FBXW5: variants seen among roughly 807,000 people sequenced by gnomAD.
FBXW5 encodes F-box and WD repeat domain containing 5.
FBXW5 carries 74 observed loss-of-function variants against 50.9 expected under a neutral mutation model. The observed-to-expected ratio is 1.45, with a 90% CI of 1.20 to 1.76. The LOEUF (loss-of-function observed/expected upper bound fraction) is 1.76. Ranked by LOEUF, FBXW5 falls within the 40% of genes most tolerant of loss-of-function variation. FBXW5 has a pLI of 0.00. For synonymous variants in FBXW5, 523 were observed against 362.2 expected (o/e 1.44, Z -5.04); for missense variants, 1,073 against 818.8 (o/e 1.31, Z -3.79).
At position 136,944,575 on chromosome 9, in the gene FBXW5, G is replaced by GGGCCGCAGGCGCACTCACCAC. The variant is rs1221329556; in HGVS notation, c.-26_-24+18dup. ...GGGGACGACAAGGCGGGACCCCCGA[G>GGGCCGCAGGCGCACTCACCAC]GGCCGCAGGCGCACTCACCACGGCC... On this transcript the variant is annotated intron_variant, in intron 1 of 8. Coordinates refer to ENST00000325285, the MANE Select transcript of FBXW5 (RefSeq NM_018998.4). 132 of 983,958 alleles carry GGGCCGCAGGCGCACTCACCAC rather than the reference G, an allele frequency of 1.3e-4. No homozygotes were observed. The highest frequency in any genetic ancestry group is 1.4e-4 in the Non-Finnish European group (117 of 829,210). 61.0% of individuals were successfully genotyped at this position (983,958 alleles called of 1,614,324 possible). A position where few individuals can be genotyped will look rare whatever the true frequency, so the allele number is the denominator to read the frequency against.
Position 136,941,605 on chromosome 9 carries a change from G to GA in FBXW5, c.1175dup (p.Asp393ArgfsTer52). Reference sequence around the variant, plus strand: ...TGTCTATGACGTGGTCCAGCGCGTCGAAGAAGGCATCGGAGCCCCGGCCCT... The same window carrying GA: ...TGTCTATGACGTGGTCCAGCGCGTCGAAAGAAGGCATCGGAGCCCCGGCCCT... On this transcript the variant is annotated frameshift_variant, in exon 7 of 9. Transcript: ENST00000325285. LOFTEE classifies it high-confidence loss of function. 6.3e-7 allele frequency: 1 copy of GA among 1,599,804 alleles called. No homozygotes were observed. The highest frequency in any genetic ancestry group is 8.5e-7 in the Non-Finnish European group (1 of 1,173,856).
rs1850711613 is a variant in FBXW5, at chr9:136,940,572, C to G, written c.*356G>C. On this transcript the variant is annotated 3_prime_UTR_variant, in exon 9 of 9. Transcript: ENST00000325285. ...CAGCCAGGAGCAGCCCCTGCCACCA[C>G]TGGGCCACCGTCCAGGGCCCCACAG... The G allele has an allele frequency of 3.3e-6, 1 of 300,924 alleles. No individual in the cohort carries two copies. Among genetic ancestry groups the G allele is most frequent in the Non-Finnish European group, 6.5e-6 (1 of 154,930 alleles). 18.6% of individuals were successfully genotyped at this position (300,924 alleles called of 1,614,324 possible). A position where few individuals can be genotyped will look rare whatever the true frequency, so the allele number is the denominator to read the frequency against.
In FBXW5 at chr9:136,943,612, A is replaced by G. The variant is rs1296628735; in HGVS notation, c.194-106T>C. The G allele has an allele frequency of 3.5e-6, 5 of 1,429,520 alleles. No homozygotes were observed. In the African/African-American group the frequency reaches 7.1e-5, roughly 20 times the overall value. The allele number at this position is 1,429,520 out of a possible 1,614,324, so 88.6% of individuals were successfully genotyped here. A position where few individuals can be genotyped will look rare whatever the true frequency, so the allele number is the denominator to read the frequency against. ...CTGGCAGGCCCCGTGGTGCCCCTGG[A>G]ACCCACTAGTCATGGCATAGGCCTC... On this transcript the variant is annotated intron_variant, in intron 2 of 8. Coordinates refer to ENST00000325285, the MANE Select transcript of FBXW5 (RefSeq NM_018998.4).
At chr9:136,944,370 G>C (rs1850949763) in intron 1 of FBXW5, 1 of 640,802 alleles carries the variant, frequency 1.6e-6, no homozygotes, top group Non-Finnish European at 2.0e-6. Flanking sequence ...CGCCGCACGC[G>C]AGGCACGGGG....
rs777108738 is a variant in FBXW5, at chr9:136,942,404, G to A, written c.738C>T (p.Ala246=). Residue 246 remains alanine (A), a synonymous_variant, in exon 6 of 9, where the codon GCC becomes GCT. Coordinates refer to ENST00000325285, the MANE Select transcript of FBXW5 (RefSeq NM_018998.4). ...CCACCATCACCGTGCGGACGGTGCT[G>A]GCATTGAGGTTCTGGATCTTGAACA... The part of the protein sequence containing the change: ...KRLFKIQNLN[A]STVRTVMVAD... The A allele has an allele frequency of 3.4e-5, 54 of 1,608,972 alleles. No homozygotes were observed. The highest frequency in any genetic ancestry group is 4.3e-5 in the Non-Finnish European group (51 of 1,177,170).
At position 136,942,131 on chromosome 9, in the gene FBXW5, C is replaced by T; in HGVS notation, c.1011G>A (p.Lys337=). The change falls in exon 6 of 9, where the codon AAG becomes AAA. Residue 337 remains lysine, a synonymous_variant. Transcript: ENST00000325285. ...VAELLAQGHT[K]PPERSATGAK... ...CGCCTGTGGCACTGCGCTCGGGTGG[C>T]TTGGTGTGGCCCTGGGCCAGCAGCT... The T allele has an allele frequency of 1.2e-6, 2 of 1,611,496 alleles. No homozygotes were observed. The highest frequency in any genetic ancestry group is 1.7e-6 in the Non-Finnish European group (2 of 1,178,978).
chr9:136,943,285 G>C (rs556201721), intron 3 of FBXW5, 64 bp downstream of exon 3: 33 of 1,514,678 alleles, frequency 2.2e-5, no homozygotes, highest in Non-Finnish European at 2.6e-5. Flanking sequence ...GAACGCCTGG[G>C]TCCTGGGACC....
At chr9:136,943,125 C>T in intron 3 of FBXW5, 182 bp from the exon 4 acceptor site, 1 of 1,085,388 alleles carries the variant, frequency 9.2e-7, no homozygotes, top group East Asian at 2.6e-5. Flanking sequence ...GAGCCTGCCC[C>T]TGAAGCAGGC....
In FBXW5 at chr9:136,943,456, A is replaced by C. The variant is rs1160846275; in HGVS notation, c.244T>G (p.Cys82Gly). ...TCCCGCAGCGTCTGCACCTCCACGC[A>C]GGGCACCGTGTCATACAGCCGCTGG... Reference protein sequence around the residue: ...EFQRLYDTVPCVEVQTLREHT... With the variant: ...EFQRLYDTVPGVEVQTLREHT... The change falls in exon 3 of 9, where the codon TGC becomes GGC. Residue 82 changes from cysteine (C) to glycine (G), a missense_variant. Transcript: ENST00000325285. 1.2e-6 allele frequency: 2 copies of C among 1,612,794 alleles called. No homozygotes were observed. The highest frequency in any genetic ancestry group is 1.7e-6 in the Non-Finnish European group (2 of 1,179,926).
chr9:136,941,340 C>T lies in FBXW5; in HGVS notation c.1368G>A (p.Val456=). Residue 456 remains valine, a synonymous_variant, in exon 8 of 9, where the codon GTG becomes GTA. Transcript: ENST00000325285. ...CGCGGTGCGCACGCAGAGCCCGCCTCACCTCCCGCATGGTCTTGAGGTCGA... is the reference window on the plus strand; with the variant it reads ...CGCGGTGCGCACGCAGAGCCCGCCTTACCTCCCGCATGGTCTTGAGGTCGA... ...LVFDLKTMRE[V]RRALRAHRAY... is the part of the protein sequence containing the mutation. The T allele has an allele frequency of 6.2e-7, 1 of 1,610,940 alleles. No homozygotes were observed. Among genetic ancestry groups the T allele is most frequent in the Non-Finnish European group, 8.5e-7 (1 of 1,179,760 alleles).
chr9:136,940,727 G>T lies in FBXW5; in HGVS notation c.*201C>A. ...GCCCAGGAGGCCGAGGGGGCCTTGG[G>T]CTCCATCTGCACTGGCCACCCCGTG... On this transcript the variant is annotated 3_prime_UTR_variant, in exon 9 of 9. Coordinates refer to ENST00000325285, the MANE Select transcript of FBXW5 (RefSeq NM_018998.4). 1 of 843,816 alleles carries T rather than the reference G, an allele frequency of 1.2e-6. No individual in the cohort carries two copies. The highest frequency in any genetic ancestry group is 1.8e-6 in the Non-Finnish European group (1 of 562,578). 52.3% of individuals were successfully genotyped at this position (843,816 alleles called of 1,614,324 possible). A position where few individuals can be genotyped will look rare whatever the true frequency, so the allele number is the denominator to read the frequency against.
chr9:136,942,135 G>C lies in FBXW5; in HGVS notation c.1007C>G (p.Thr336Ser). Residue 336 changes from threonine (T) to serine (S), a missense_variant, in exon 6 of 9, where the codon ACC becomes AGC. Coordinates refer to ENST00000325285, the MANE Select transcript of FBXW5 (RefSeq NM_018998.4). ...KVAELLAQGH[T>S]KPPERSATGA... ...TGTGGCACTGCGCTCGGGTGGCTTG[G>C]TGTGGCCCTGGGCCAGCAGCTCGGC... 6.2e-7 allele frequency: 1 copy of C among 1,611,120 alleles called. No homozygotes were observed. Among genetic ancestry groups the C allele is most frequent in the Non-Finnish European group, 8.5e-7 (1 of 1,178,876 alleles).
chr9:136,944,216 G>T, intron 1 of FBXW5, 110 bp from the exon 2 acceptor site: 1 of 1,232,414 alleles, frequency 8.1e-7, no homozygotes, highest in Non-Finnish European at 1.1e-6. Context: ...ACGGGGCTGC[G>T]TGTCTGCAGG....
rs1850798161 is a variant in FBXW5, at chr9:136,942,166, T to G, written c.976A>C (p.Lys326Gln). 6.2e-7 allele frequency: 1 copy of G among 1,602,692 alleles called. No individual in the cohort carries two copies. Among genetic ancestry groups the G allele is most frequent in the Non-Finnish European group, 8.5e-7 (1 of 1,175,310 alleles). The change falls in exon 6 of 9, where the codon AAG (lysine) becomes CAG (glutamine). Residue 326 changes from lysine (K) to glutamine (Q), a missense_variant. Physicochemically the swap from Lys to Gln is moderately conservative, Grantham distance 53. Transcript: ENST00000325285. The part of the protein sequence containing the change: ...PQLSERMLET[K>Q]VAELLAQGHT... ...CCCTGGGCCAGCAGCTCGGCCACCTTGGTCTCTAGCATGCGCTCCGACAGC... is the reference window on the plus strand; with the variant it reads ...CCCTGGGCCAGCAGCTCGGCCACCTGGGTCTCTAGCATGCGCTCCGACAGC...
chr9:136,941,364 G>A lies in FBXW5; in HGVS notation c.1344C>T (p.Phe448=), dbSNP rs201429106. 230 of 1,611,668 alleles carry A rather than the reference G, an allele frequency of 1.4e-4. 2 individuals are homozygous for A. Among genetic ancestry groups the A allele is most frequent in the South Asian group, 1.3e-3 (114 of 91,090 alleles). The change falls in exon 8 of 9, where the codon TTC becomes TTT. Residue 448 remains phenylalanine, a synonymous_variant. Transcript: ENST00000325285. ...TCACCTCCCGCATGGTCTTGAGGTC[G>A]AACACCAGCAGGTCAATCTCCTCCG... ...PIAEEIDLLV[F]DLKTMREVRR...
At chr9:136,944,458 C>T in intron 1 of FBXW5, 136 bp downstream of exon 1, 1 of 968,706 alleles carries the variant, frequency 1.0e-6, no homozygotes, top group Non-Finnish European at 1.2e-6. Flanking sequence ...CGCCCTGCGG[C>T]CCTGGAGCAG....
In FBXW5 at chr9:136,941,435, G is replaced by A. The variant is rs774137088; in HGVS notation, c.1273C>T (p.Pro425Ser). 21 of 1,608,580 alleles carry A rather than the reference G, an allele frequency of 1.3e-5. No individual in the cohort carries two copies. The Middle Eastern group carries it at 2.8e-3, about 215-fold the overall frequency. ...GGGTCGGCCACCACCGCACCGTTGG[G>A]CCAGGCGCGGCTGTTCACGTACAGG... ...RYLYVNSRAW[P>S]NGAVVADPMQ... The change falls in exon 8 of 9, where the codon CCC (proline) becomes TCC (serine). Residue 425 changes from proline (P) to serine (S), a missense_variant. Pro to Ser is a moderately conservative substitution (Grantham distance 74). Coordinates refer to ENST00000325285, the MANE Select transcript of FBXW5 (RefSeq NM_018998.4).
chr9:136,943,604 G>A (rs904499481), intron 2 of FBXW5, 98 bp from the exon 3 acceptor site: 68 of 1,464,144 alleles, frequency 4.6e-5, no homozygotes, highest in Non-Finnish European at 5.1e-5. Flanking sequence ...GCCCCGTGGT[G>A]CCCCTGGAAC....
At chr9:136,943,572 G>A (rs1200796347) in intron 2 of FBXW5, 66 bp from the exon 3 acceptor site, 1 of 1,541,746 alleles carries the variant, frequency 6.5e-7, no homozygotes, top group South Asian at 1.2e-5. Flanking sequence ...TGAGCCGAGT[G>A]TGGCCCCAGC....
Sources: gnomAD v4.1 joint callset for allele counts on GRCh38, gnomAD v4.1.1 for gene constraint, MANE v1.5 for transcripts, NCBI Gene and HGNC (gene_info 2026-07-23, HGNC 2026-07-21) for gene names.